AUNIP: variants seen among roughly 807,000 people sequenced by gnomAD.
AUNIP encodes the protein aurora kinase A and ninein interacting protein.
Under a neutral mutation model 12.2 loss-of-function variants are expected in AUNIP, and 16 were observed. That is an observed-to-expected ratio of 1.31 (90% confidence interval 0.88 to 1.99). AUNIP has a LOEUF of 1.99. Ranked by LOEUF, AUNIP falls within the 30% of genes most tolerant of loss-of-function variation. The probability of loss-of-function intolerance (pLI) is 0.00; values close to 1 mark genes in which losing one functional copy is unlikely to be tolerated. For synonymous variants in AUNIP, 142 were observed against 154.8 expected (o/e 0.92, Z 0.61); for missense variants, 411 against 419.1 (o/e 0.98, Z 0.17).
At chr1:25,833,938 T>C (rs142299327), downstream of AUNIP, 992 of 796,598 alleles carry the variant, frequency 1.2e-3, 3 homozygotes, top group Middle Eastern at 4.5e-3. Flanking sequence ...TGACAGCATA[T>C]ACTATTACAG....
chr1:25,831,962 T>A, downstream of AUNIP: 1 of 1,614,210 alleles, frequency 6.2e-7, no homozygotes, highest in Non-Finnish European at 8.5e-7. Context: ...GCTGTGCTTA[T>A]CTCTGAGGTC....
chr1:25,859,070 T>G (rs1454199789), intron 1 of AUNIP, among the ~76,000 whole-genome samples: 2 of 151,418 alleles, frequency 1.3e-5, no homozygotes, highest in Admixed American at 6.6e-5. Context: ...AACAGCACGC[T>G]CTTTCCTTCC....
At chr1:25,853,133 TA>T (rs775171954) in intron 1 of AUNIP, among the ~76,000 whole-genome samples, 1 of 152,236 alleles carries the variant, frequency 6.6e-6, no homozygotes, top group Admixed American at 6.5e-5. Context: ...TTTTGTCTGT[TA>T]GGTCTACCTG....
rs751763350 is a variant in AUNIP, at chr1:25,835,744, G to A, written c.323C>T (p.Pro108Leu). 1.9e-6 allele frequency: 3 copies of A among 1,614,062 alleles called. No homozygotes were observed. Among genetic ancestry groups the A allele is most frequent in the Non-Finnish European group, 2.5e-6 (3 of 1,180,036 alleles). The change falls in exon 3 of 3, where the codon CCA becomes CTA. Residue 108 changes from proline to leucine, a missense_variant. Transcript: ENST00000374298. ...KNATQLDHLI[P>L]GLAHDCMASP... ...TGCCATGCAATCGTGTGCTAAGCCT[G>A]GGATCAAATGGTCTAGCTGGGTCGC... is the stretch of plus-strand genomic sequence containing the variant.
Position 25,834,251 on chromosome 1 carries a change from G to GA in AUNIP, c.*741dup, listed in dbSNP as rs1382971868. ...GTTGTGGGGAGATTTGCTAATCACTGAAAAAAAAGGGTCAAGAGTAATCAT... is the reference window on the plus strand; with the variant it reads ...GTTGTGGGGAGATTTGCTAATCACTGAAAAAAAAAGGGTCAAGAGTAATCAT... On this transcript the variant is annotated 3_prime_UTR_variant, in exon 3 of 3. Coordinates refer to ENST00000374298, the MANE Select transcript of AUNIP (RefSeq NM_024037.3). The GA allele has an allele frequency of 1.1e-5, 11 of 984,446 alleles. No homozygotes were observed. The highest frequency in any genetic ancestry group is 4.7e-5 in the South Asian group (1 of 21,252). 61.0% of individuals were successfully genotyped at this position (984,446 alleles called of 1,614,324 possible).
At chr1:25,840,877 C>A (rs1397939531) in intron 1 of AUNIP, among the ~76,000 whole-genome samples, 1 of 151,976 alleles carries the variant, frequency 6.6e-6, no homozygotes, top group African/African-American at 2.4e-5. Context: ...TATGCTAGGA[C>A]TGGGAAGATA....
intron 1 of AUNIP, among the ~76,000 whole-genome samples, chr1:25,857,042 G>A (rs1051184131): frequency 2.0e-5 from 3 of 152,174 alleles, no homozygotes; most frequent in Admixed American, 6.5e-5. Context: ...CCTGGAGCCC[G>A]GGGGCGTTGA....
intron 1 of AUNIP, among the ~76,000 whole-genome samples, chr1:25,838,194 T>C (rs1215013975): frequency 1.3e-5 from 2 of 151,814 alleles, no homozygotes; most frequent in African/African-American, 4.8e-5. Flanking sequence ...ATAGTACCTA[T>C]CCATATGGCA....
chr1:25,858,520 C>T (rs2048481026), intron 1 of AUNIP, among the ~76,000 whole-genome samples: 1 of 152,184 alleles, frequency 6.6e-6, no homozygotes, highest in South Asian at 2.1e-4. Flanking sequence ...ACACTTAGCA[C>T]CAGCATAAAA....
At chr1:25,845,892 C>A (rs1201350769) in intron 1 of AUNIP, among the ~76,000 whole-genome samples, 2 of 152,132 alleles carry the variant, frequency 1.3e-5, no homozygotes, top group Non-Finnish European at 2.9e-5. Context: ...AGGTCCAGAA[C>A]ACAGATGGGA....
rs560356345 is a variant in AUNIP, at chr1:25,847,318, G to A, written c.79-9764C>T. Reference sequence around the variant, plus strand: ...ACTCTGTCACCGAGGCTGGACTGCAGTAGCGCGATATTGGCTCACCACAAC... The same window carrying A: ...ACTCTGTCACCGAGGCTGGACTGCAATAGCGCGATATTGGCTCACCACAAC... On this transcript the variant is annotated intron_variant, in intron 1 of 2. Transcript: ENST00000374298. The surrounding 1 kb of genome is among the most constrained non-coding windows in gnomAD (Gnocchi z 4.2). Among the ~76,000 whole-genome samples, 1 of 152,100 alleles carries A rather than the reference G, an allele frequency of 6.6e-6. No individual in the cohort carries two copies. Among genetic ancestry groups the A allele is most frequent in the Non-Finnish European group, 1.5e-5 (1 of 68,022 alleles).
rs994994291 is a variant in AUNIP at position 25,834,814 on chromosome 1, A to G, written c.*179T>C. 22 of 1,430,962 alleles carry G rather than the reference A, an allele frequency of 1.5e-5. No homozygotes were observed. The highest frequency in any genetic ancestry group is 1.9e-5 in the Non-Finnish European group (21 of 1,097,786). 88.6% of individuals were successfully genotyped at this position (1,430,962 alleles called of 1,614,324 possible). On this transcript the variant is annotated 3_prime_UTR_variant, in exon 3 of 3. Coordinates refer to ENST00000374298, the MANE Select transcript of AUNIP (RefSeq NM_024037.3). ...TTCCTGAGGGAAAGCCATGATGCCA[A>G]TCCCACTGTCTTAACAATGGTACTG...
chr1:25,832,174 T>C, downstream of AUNIP: 1 of 1,546,074 alleles, frequency 6.5e-7, no homozygotes, highest in Non-Finnish European at 8.7e-7. Flanking sequence ...AGAGAAGAGC[T>C]GGATTATATA....
intron 1 of AUNIP, among the ~76,000 whole-genome samples, chr1:25,837,924 T>C (rs546990763): frequency 9.2e-5 from 14 of 152,238 alleles, no homozygotes; most frequent in Middle Eastern, 6.8e-3. Context: ...AGTCACATAG[T>C]GGTGGTTAAG....
chr1:25,836,762 A>G (rs2048306311), intron 2 of AUNIP, among the ~76,000 whole-genome samples: 1 of 152,144 alleles, frequency 6.6e-6, no homozygotes, highest in Non-Finnish European at 1.5e-5. Context: ...ATAAAGCAAA[A>G]GAGTGTACGT....
At chr1:25,840,306 A>AT (rs1319647999) in intron 1 of AUNIP, among the ~76,000 whole-genome samples, 2 of 152,240 alleles carry the variant, frequency 1.3e-5, no homozygotes, top group Non-Finnish European at 2.9e-5. Flanking sequence ...TGAAGACAAT[A>AT]GTAACACAAA....
intron 1 of AUNIP, among the ~76,000 whole-genome samples, chr1:25,839,757 G>A (rs12084408): frequency 0.02 from 3,077 of 152,018 alleles, 108 homozygotes; most frequent in African/African-American, 0.07. Context: ...TCTGCCTCCC[G>A]GGTTCAAGCG....
At chr1:25,833,602 A>ATAAT (rs890549202), downstream of AUNIP, among the ~76,000 whole-genome samples, 3 of 152,048 alleles carry the variant, frequency 2.0e-5, no homozygotes, top group Non-Finnish European at 4.4e-5. Flanking sequence ...TATTTTAAAA[A>ATAAT]TAATTAGCTG....
chr1:25,843,387 A>G (rs929129908), intron 1 of AUNIP, among the ~76,000 whole-genome samples: 31 of 151,284 alleles, frequency 2.0e-4, no homozygotes, highest in Admixed American at 6.6e-5. Flanking sequence ...TGCCACAGAT[A>G]AATCCTGTGA....
Sources: gnomAD v4.1 joint callset for allele counts (sites outside exome capture counted in the v4.1 genomes callset) on GRCh38, gnomAD v4.1.1 for gene constraint, Gnocchi (gnomAD v3.1) non-coding constraint, MANE v1.5 for transcripts, NCBI Gene and HGNC (gene_info 2026-07-23, HGNC 2026-07-21) for gene names.